PCDH11X: variants seen among roughly 807,000 people sequenced by gnomAD.
The protein encoded by PCDH11X is protocadherin-11 X-linked.
Under a neutral mutation model 53.3 loss-of-function variants are expected in PCDH11X, and 18 were observed. The ratio of observed to expected loss-of-function variants is 0.34; its 90% CI spans 0.23 to 0.50. PCDH11X has a LOEUF of 0.50. PCDH11X is among the 20% of genes least tolerant of loss of function. PCDH11X has a pLI of 0.98. For synonymous variants in PCDH11X, 279 were observed against 393.3 expected, an observed-to-expected ratio of 0.71 and a Z score of 3.44; for missense variants, 570 against 1,032.4, an observed-to-expected ratio of 0.55 and a Z score of 6.14.
At chrX:92,457,626 C>T (rs1260845551) in intron 9 of PCDH11X, among the ~76,000 whole-genome samples, 1 of 107,877 alleles carries the variant, frequency 9.3e-6, no homozygotes, top group Non-Finnish European at 1.9e-5. Flanking sequence ...ATATTAAGAT[C>T]TATATAATAA....
intron 10 of PCDH11X, among the ~76,000 whole-genome samples, chrX:92,512,674 C>T (rs2750900): frequency 8.9e-6 from 1 of 111,960 alleles, no homozygotes; most frequent in East Asian, 2.8e-4. Context: ...ACAGAGGGCT[C>T]GAGCACAATG....
At chrX:91,949,216 T>G (rs1189483148) in intron 6 of PCDH11X, among the ~76,000 whole-genome samples, 1 of 109,479 alleles carries the variant, frequency 9.1e-6, no homozygotes, top group Admixed American at 9.8e-5. Context: ...TGGGGGTTGC[T>G]TATCTCAAGG....
At chrX:92,170,509 G>T (rs1256416836) in intron 6 of PCDH11X, among the ~76,000 whole-genome samples, 2 of 110,329 alleles carry the variant, frequency 1.8e-5, no homozygotes, top group Non-Finnish European at 3.8e-5. Flanking sequence ...ATGGAGAAAA[G>T]AAAATTTTCA....
chrX:92,124,562 A>T (rs1290807405), intron 6 of PCDH11X, among the ~76,000 whole-genome samples: 19 of 107,084 alleles, frequency 1.8e-4, no homozygotes, highest in Non-Finnish European at 3.1e-4. Flanking sequence ...AAAAAAAAAT[A>T]GGCCTAGTAT....
chrX:92,530,357 A>AC (rs35308119), intron 10 of PCDH11X, among the ~76,000 whole-genome samples: 1 of 107,609 alleles, frequency 9.3e-6, no homozygotes, highest in Non-Finnish European at 1.9e-5. Context: ...AAGAGCATAC[A>AC]CCCCCACCAA....
At chrX:91,875,046 A>ATG (rs199771901) in intron 5 of PCDH11X, among the ~76,000 whole-genome samples, 28 of 109,241 alleles carry the variant, frequency 2.6e-4, no homozygotes, top group South Asian at 1.9e-3. Context: ...ACATATGTGT[A>ATG]TGTGTGTGTG....
At chrX:92,020,208 GCTGCTGT>G in intron 6 of PCDH11X, among the ~76,000 whole-genome samples, 1 of 112,650 alleles carries the variant, frequency 8.9e-6, no homozygotes, top group Non-Finnish European at 1.9e-5. Context: ...CATCACAGCT[GCTGCTGT>G]CTGCTGTCTA....
At chrX:92,326,622 C>CAA (rs1473075340) in intron 8 of PCDH11X, among the ~76,000 whole-genome samples, 1 of 45,814 alleles carries the variant, frequency 2.2e-5, no homozygotes, top group African/African-American at 1.5e-4. Context: ...TTTTAATAAA[C>CAA]TATATATATA....
intron 6 of PCDH11X, among the ~76,000 whole-genome samples, chrX:91,902,956 G>T (rs1186633567): frequency 9.1e-6 from 1 of 110,487 alleles, no homozygotes; most frequent in Non-Finnish European, 1.9e-5. Context: ...CTACATGCAA[G>T]GTATGGTGCC....
intron 10 of PCDH11X, among the ~76,000 whole-genome samples, chrX:92,570,657 A>C (rs1219781472): frequency 9.9e-6 from 1 of 101,043 alleles, no homozygotes. Flanking sequence ...TTTCAGCTCA[A>C]TTTTCTAACT....
intron 6 of PCDH11X, among the ~76,000 whole-genome samples, chrX:92,010,689 G>T (rs1305948848): frequency 9.1e-6 from 1 of 109,851 alleles, no homozygotes; most frequent in Non-Finnish European, 1.9e-5. Context: ...ATGAATACTA[G>T]ATAAATCATA....
intron 6 of PCDH11X, among the ~76,000 whole-genome samples, chrX:92,102,658 G>A (rs1273531885): frequency 9.0e-6 from 1 of 111,481 alleles, no homozygotes; most frequent in African/African-American, 3.3e-5. Flanking sequence ...TCGGTGTCAG[G>A]GTCAATCCAA....
At chrX:91,981,788 T>C (rs2062143217) in intron 6 of PCDH11X, among the ~76,000 whole-genome samples, 1 of 106,531 alleles carries the variant, frequency 9.4e-6, no homozygotes, top group Admixed American at 1.0e-4. Context: ...GTTGTTGTTG[T>C]TGTTTTCTTT....
intron 6 of PCDH11X, among the ~76,000 whole-genome samples, chrX:91,927,821 T>G (rs1941997797): frequency 9.0e-6 from 1 of 111,063 alleles, no homozygotes; most frequent in Non-Finnish European, 1.9e-5. Context: ...GCAGAATTTG[T>G]TTCCAGCTTC....
chrX:92,148,036 C>CT (rs1449120429), intron 6 of PCDH11X, among the ~76,000 whole-genome samples: 12 of 69,773 alleles, frequency 1.7e-4, no homozygotes, highest in African/African-American at 7.4e-4. Flanking sequence ...TCCTTTCCTT[C>CT]TTTCCCTTCC....
At chrX:92,610,189 G>A (rs966217317) in intron 10 of PCDH11X, among the ~76,000 whole-genome samples, 1 of 111,951 alleles carries the variant, frequency 8.9e-6, no homozygotes, top group African/African-American at 3.2e-5. Flanking sequence ...CTCCACAAAG[G>A]CTGAATTAAT....
chrX:92,085,414 C>A (rs372126466), intron 6 of PCDH11X, among the ~76,000 whole-genome samples: 1 of 107,612 alleles, frequency 9.3e-6, no homozygotes, highest in East Asian at 2.9e-4. Flanking sequence ...TCGATTTAAA[C>A]CTCCCCCTGT....
chrX:91,837,234 CT>C (rs949687360), intron 5 of PCDH11X, among the ~76,000 whole-genome samples: 3 of 110,386 alleles, frequency 2.7e-5, no homozygotes, highest in African/African-American at 9.9e-5. Flanking sequence ...GGCTACAAAC[CT>C]CTTGAGCAAA....
intron 1 of PCDH11X, among the ~76,000 whole-genome samples, chrX:91,794,829 G>A (rs1935677608): frequency 9.1e-6 from 1 of 109,604 alleles, no homozygotes; most frequent in African/African-American, 3.3e-5. Context: ...TAATTCCCAC[G>A]TGTTGTGGGA....
Sources: gnomAD v4.1 joint callset for allele counts (sites outside exome capture counted in the v4.1 genomes callset) on GRCh38, gnomAD v4.1.1 for gene constraint, MANE v1.5 for transcripts, NCBI Gene and HGNC (gene_info 2026-07-23, HGNC 2026-07-21) for gene names.